The following PDE4D variants were observed in gnomAD, a reference collection of about 807,000 sequenced individuals.
The protein encoded by PDE4D is 3',5'-cyclic-AMP phosphodiesterase 4D.
Under a neutral mutation model 87.4 loss-of-function variants are expected in PDE4D, and 24 were observed. That is an observed-to-expected ratio of 0.27 (90% CI 0.20 to 0.39). The LOEUF (loss-of-function observed/expected upper bound fraction) is 0.39, where lower values mean the gene tolerates loss of function less well. Among genes scored for constraint, PDE4D ranks in the 10% least tolerant of loss-of-function variants. PDE4D has a pLI of 1.00. For synonymous variants in PDE4D, 384 were observed against 383.2 expected (o/e 1.00, Z -0.02); for missense variants, 714 against 1,041.0 (o/e 0.69, Z 4.32).
chr5:60,185,722 T>C (rs931835695), intron 1 of PDE4D: 3 of 610,026 alleles, frequency 4.9e-6, no homozygotes, highest in Admixed American at 2.6e-5. Flanking sequence ...TTAATCAAGT[T>C]ATGATTAACA....
intron 1 of PDE4D, among the ~76,000 whole-genome samples, chr5:59,836,642 C>CTATCTATCTATATATCTATCTATA (rs1554095479): frequency 6.7e-6 from 1 of 148,850 alleles, no homozygotes; most frequent in African/African-American, 2.5e-5. Context: ...ATCTATCTAT[C>CTATCTATCTATATATCTATCTATA]TATCTATCTA....
intron 1 of PDE4D, among the ~76,000 whole-genome samples, chr5:59,384,754 A>C (rs1008638947): frequency 6.6e-6 from 1 of 151,494 alleles, no homozygotes; most frequent in Non-Finnish European, 1.5e-5. Context: ...ATTCTAAGTA[A>C]TATGCTTATA....
At chr5:59,755,867 C>A (rs1406851661) in intron 1 of PDE4D, among the ~76,000 whole-genome samples, 14 of 149,166 alleles carry the variant, frequency 9.4e-5, no homozygotes, top group East Asian at 1.9e-4. Flanking sequence ...AAAAAAAAAA[C>A]CAAAAAACTG....
intron 1 of PDE4D, among the ~76,000 whole-genome samples, chr5:59,665,379 T>G (rs187128069): frequency 8.5e-5 from 13 of 152,354 alleles, no homozygotes; most frequent in African/African-American, 2.9e-4. Context: ...AATTATCTTA[T>G]ATTCCTGTGA....
chr5:59,775,290 T>TCAA (rs894544234), intron 1 of PDE4D, among the ~76,000 whole-genome samples: 37 of 152,050 alleles, frequency 2.4e-4, no homozygotes, highest in Admixed American at 1.7e-3. Flanking sequence ...CTGCAACTTG[T>TCAA]CAACAACAAC....
At chr5:59,205,985 T>C (rs984614161) in intron 2 of PDE4D, among the ~76,000 whole-genome samples, 2 of 152,166 alleles carry the variant, frequency 1.3e-5, no homozygotes, top group Admixed American at 1.3e-4. Context: ...TTCTTTCTGC[T>C]CTGAAGTTCC....
chr5:59,983,667 A>G (rs924803766), intron 3 of PDE4D, among the ~76,000 whole-genome samples: 1 of 152,326 alleles, frequency 6.6e-6, no homozygotes, highest in Non-Finnish European at 1.5e-5. Flanking sequence ...ACCACTACAC[A>G]TTCACCAGAA....
chr5:59,857,862 G>T lies in PDE4D; in HGVS notation c.455+35306C>A, dbSNP rs189792340. Among the ~76,000 whole-genome samples, 282 of 138,108 alleles carry T rather than the reference G, an allele frequency of 2.0e-3. 1 individual carries two copies. Among genetic ancestry groups the T allele is most frequent in the Middle Eastern group, 0.016 (4 of 252 alleles). 90.6% of individuals were successfully genotyped at this position (138,108 alleles called of 152,430 possible). A position where few individuals can be genotyped will look rare whatever the true frequency, so the allele number is the denominator to read the frequency against. ...GGAGAAATGGAGGAAAGGAGGGAGAGCAGAAGGAAGGAAGGTGGGAAGGAA... is the reference window on the plus strand; with the variant it reads ...GGAGAAATGGAGGAAAGGAGGGAGATCAGAAGGAAGGAAGGTGGGAAGGAA... On this transcript the variant is annotated intron_variant, in intron 1 of 14. Coordinates refer to ENST00000340635, the MANE Select transcript of PDE4D (RefSeq NM_001104631.2).
At chr5:59,835,119 T>G (rs1741817251) in intron 1 of PDE4D, among the ~76,000 whole-genome samples, 1 of 152,130 alleles carries the variant, frequency 6.6e-6, no homozygotes, top group African/African-American at 2.4e-5. Context: ...AGAGCCATAT[T>G]GGCCTAGGTT....
intron 1 of PDE4D, among the ~76,000 whole-genome samples, chr5:60,341,635 A>G (rs1758327973): frequency 6.6e-6 from 1 of 152,156 alleles, no homozygotes; most frequent in African/African-American, 2.4e-5. Context: ...CTACCTTGTT[A>G]ATACTTAAAA....
At chr5:59,587,223 T>C (rs1333663636) in intron 1 of PDE4D, among the ~76,000 whole-genome samples, 1 of 152,226 alleles carries the variant, frequency 6.6e-6, no homozygotes, top group African/African-American at 2.4e-5. Context: ...TATTTTGTTA[T>C]TATCAAAACC....
chr5:59,231,036 C>G (rs996116372), intron 1 of PDE4D, among the ~76,000 whole-genome samples: 9 of 152,120 alleles, frequency 5.9e-5, no homozygotes, highest in African/African-American at 1.9e-4. Flanking sequence ...AATAAGTACA[C>G]TGAGATTAGC....
intron 1 of PDE4D, among the ~76,000 whole-genome samples, chr5:60,499,358 A>G (rs1296494033): frequency 2.0e-5 from 3 of 152,206 alleles, no homozygotes; most frequent in African/African-American, 7.2e-5. Flanking sequence ...GCTTATTTCT[A>G]GACTCAGCTG....
chr5:60,345,387 G>A (rs554750090), intron 1 of PDE4D, among the ~76,000 whole-genome samples: 1 of 151,912 alleles, frequency 6.6e-6, no homozygotes, highest in Non-Finnish European at 1.5e-5. Flanking sequence ...CATGGCACAT[G>A]TATACATATG....
intron 1 of PDE4D, among the ~76,000 whole-genome samples, chr5:59,360,624 C>A (rs1302387979): frequency 6.6e-6 from 1 of 152,100 alleles, no homozygotes; most frequent in Admixed American, 6.6e-5. Flanking sequence ...TTATCAAAAT[C>A]AACTATAAGT....
chr5:60,231,850 C>G (rs1415549317), intron 1 of PDE4D, among the ~76,000 whole-genome samples: 1 of 151,874 alleles, frequency 6.6e-6, no homozygotes, highest in Admixed American at 6.6e-5. Context: ...CACAGTTTAG[C>G]TGTGGAGAGG....
At chr5:59,106,535 G>A (rs1771609431) in intron 5 of PDE4D, among the ~76,000 whole-genome samples, 1 of 152,208 alleles carries the variant, frequency 6.6e-6, no homozygotes, top group Admixed American at 6.5e-5. Context: ...GGCCGAGGCA[G>A]TTGGATCATG....
intron 5 of PDE4D, among the ~76,000 whole-genome samples, chr5:59,043,175 A>G (rs754361396): frequency 1.3e-5 from 2 of 152,250 alleles, no homozygotes; most frequent in African/African-American, 2.4e-5. Context: ...TCCAAAAAAT[A>G]CCACTTATTT....
intron 2 of PDE4D, among the ~76,000 whole-genome samples, chr5:60,109,803 C>G (rs1388885783): frequency 6.7e-6 from 1 of 149,342 alleles, no homozygotes; most frequent in African/African-American, 2.5e-5. Context: ...TAGGTGGGAA[C>G]TGAACAATGA....
Sources: allele counts gnomAD v4.1 joint callset (sites outside exome capture counted in the v4.1 genomes callset), GRCh38; gene constraint gnomAD v4.1.1; transcripts MANE v1.5; gene names NCBI Gene and HGNC (gene_info 2026-07-23, HGNC 2026-07-21).